Variants in RCCD1 observed in about 807,000 individuals in gnomAD.
RCCD1 encodes RCC1 domain-containing protein 1.
Under a neutral mutation model 37.6 loss-of-function variants are expected in RCCD1, and 40 were observed. The observed-to-expected ratio is 1.06, with a 90% CI of 0.83 to 1.39. The LOEUF is 1.39. Among genes scored for constraint, RCCD1 ranks in the 40% most tolerant of loss-of-function variants. The pLI, the probability that RCCD1 is intolerant of heterozygous loss-of-function variation, is 0.00. For missense variants in RCCD1, 577 were observed against 517.3 expected, an observed-to-expected ratio of 1.12 and a Z score of -1.12; for synonymous variants, 263 against 230.0, an observed-to-expected ratio of 1.14 and a Z score of -1.30.
chr15:90,957,209 C>A lies in RCCD1; in HGVS notation c.263C>A (p.Ala88Asp). The A allele has an allele frequency of 7.1e-7, 1 of 1,409,328 alleles. No homozygotes were observed. The allele number at this position is 1,409,328 out of a possible 1,614,324, so 87.3% of individuals were successfully genotyped here. ...ASEGLLAVLR[A>D]GPGPEALLQV... ...GAGGGGCTCCTCGCGGTGCTGCGCG[C>A]CGGGCCGGGGCCGGAGGCGTTACTG... Residue 88 changes from alanine to aspartate, a missense_variant, in exon 3 of 8, where the codon GCC becomes GAC. Physicochemically the swap from Ala to Asp is moderately radical, Grantham distance 126 (BLOSUM62 -2). Coordinates refer to ENST00000394258, the MANE Select transcript of RCCD1 (RefSeq NM_001017919.2).
At position 90,956,781 on chromosome 15, in the gene RCCD1, G is replaced by A; in HGVS notation, c.47G>A (p.Gly16Asp). The change falls in exon 2 of 8, where the codon GGC becomes GAC. Residue 16 changes from glycine to aspartate, a missense_variant. By Grantham distance (94) the Gly-to-Asp change is moderately conservative. Transcript: ENST00000394258. ...GCCTGGTTCGGCTTCGGTTTCTGCG[G>A]CTTCGGGCAGGAGCTGGGCTCCGGA... ...PGAWFGFGFCGFGQELGSGRG... is the reference protein window; with the variant it reads ...PGAWFGFGFCDFGQELGSGRG... The A allele has an allele frequency of 1.5e-6, 2 of 1,332,684 alleles. No homozygotes were observed. The highest frequency in any genetic ancestry group is 9.6e-7 in the Non-Finnish European group (1 of 1,040,892). The allele number at this position is 1,332,684 out of a possible 1,614,324, so 82.6% of individuals were successfully genotyped here. A position where few individuals can be genotyped will look rare whatever the true frequency, so the allele number is the denominator to read the frequency against.
chr15:90,960,037 A>C (rs753447545), intron 5 of RCCD1, 39 bp downstream of exon 5: 1 of 1,504,252 alleles, frequency 6.6e-7, no homozygotes, highest in South Asian at 1.1e-5. Flanking sequence ...TCTCCCCAGG[A>C]TGTGGCTGTC....
In RCCD1 at chr15:90,957,517, G is replaced by A; in HGVS notation, c.557+14G>A. The A allele has an allele frequency of 6.3e-7, 1 of 1,586,942 alleles. No individual in the cohort carries two copies. ...GGGCGGGGGCAGGTGAGCGGAGGCG[G>A]GGGCAGGTGAGGGCTGCTGATTGGA... is the stretch of plus-strand genomic sequence containing the variant. On this transcript the variant is annotated intron_variant, in intron 3 of 7. Transcript: ENST00000394258.
At chr15:90,958,627 C>CAAAAA (rs5814447) in intron 4 of RCCD1, among the ~76,000 whole-genome samples, 156 of 74,578 alleles carry the variant, frequency 2.1e-3, no homozygotes, top group Non-Finnish European at 3.1e-3. Context: ...GACTCAGTCT[C>CAAAAA]AAAAAAAAAA....
At chr15:90,961,511 TG>T in intron 7 of RCCD1, 106 bp from the exon 8 acceptor site, 1 of 1,287,482 alleles carries the variant, frequency 7.8e-7, no homozygotes, top group Non-Finnish European at 1.1e-6. Context: ...CACAGAGCAG[TG>T]GGGCATAATC....
chr15:90,957,187 G>A lies in RCCD1; in HGVS notation c.241G>A (p.Gly81Arg), dbSNP rs1191001617. 5 of 1,389,588 alleles carry A rather than the reference G, an allele frequency of 3.6e-6. No individual in the cohort carries two copies. The South Asian group carries it at 8.2e-5, about 23-fold the overall frequency. The allele number at this position is 1,389,588 out of a possible 1,614,324, so 86.1% of individuals were successfully genotyped here. ...GRCKDAWASEGLLAVLRAGPG... is the reference protein window; with the variant it reads ...GRCKDAWASERLLAVLRAGPG... Reference sequence around the variant, plus strand: ...CTGCAAGGACGCGTGGGCCTCGGAGGGGCTCCTCGCGGTGCTGCGCGCCGG... The same window carrying A: ...CTGCAAGGACGCGTGGGCCTCGGAGAGGCTCCTCGCGGTGCTGCGCGCCGG... The change falls in exon 3 of 8, where the codon GGG (glycine) becomes AGG (arginine). Residue 81 changes from glycine to arginine, a missense_variant. Coordinates refer to ENST00000394258, the MANE Select transcript of RCCD1 (RefSeq NM_001017919.2).
Position 90,956,705 on chromosome 15 carries a change from G to A in RCCD1, c.-30G>A. 1 of 1,264,008 alleles carries A rather than the reference G, an allele frequency of 7.9e-7. No individual in the cohort carries two copies. The highest frequency in any genetic ancestry group is 1.0e-6 in the Non-Finnish European group (1 of 1,004,914). 78.3% of individuals were successfully genotyped at this position (1,264,008 alleles called of 1,614,324 possible). On this transcript the variant is annotated 5_prime_UTR_variant, in exon 2 of 8. Coordinates refer to ENST00000394258, the MANE Select transcript of RCCD1 (RefSeq NM_001017919.2). ...ATCCCCCCGGGCCCGCCGCAGCCAGGCGGCGGCCGGCAGAGGGCGCTGCTC... is the reference window on the plus strand; with the variant it reads ...ATCCCCCCGGGCCCGCCGCAGCCAGACGGCGGCCGGCAGAGGGCGCTGCTC...
intron 1 of RCCD1, chr15:90,955,260 A>T (rs1011538235): frequency 1.3e-5 from 2 of 152,086 alleles, no homozygotes; most frequent in African/African-American, 4.8e-5. Flanking sequence ...CCGGGCGGCG[A>T]CGTCACCGCC....
chr15:90,955,902 C>G (rs189546381), intron 1 of RCCD1: 2 of 152,170 alleles, frequency 1.3e-5, no homozygotes, highest in Non-Finnish European at 2.9e-5. Context: ...GAAATTCTGT[C>G]TGTATAAGTT....
In RCCD1 at chr15:90,957,702, G is replaced by A. The variant is rs753208494; in HGVS notation, c.656G>A (p.Gly219Asp). The A allele has an allele frequency of 1.2e-6, 2 of 1,612,336 alleles. No homozygotes were observed. Among genetic ancestry groups the A allele is most frequent in the South Asian group, 1.1e-5 (1 of 90,908 alleles). ...GTCATGGCTGAGGTGGCCGCGGGGGGCTGGCATTCTGTGTGTGTGAGTGGT... is the reference window on the plus strand; with the variant it reads ...GTCATGGCTGAGGTGGCCGCGGGGGACTGGCATTCTGTGTGTGTGAGTGGT... ...GLVMAEVAAG[G>D]WHSVCVSETG... The change falls in exon 4 of 8, where the codon GGC (glycine) becomes GAC (aspartate). Residue 219 changes from glycine to aspartate, a missense_variant. Gly to Asp is a moderately conservative substitution (Grantham distance 94). Transcript: ENST00000394258.
At chr15:90,957,849 A>ATAACTGACTGG in intron 4 of RCCD1, 124 bp downstream of exon 4, 1 of 1,296,842 alleles carries the variant, frequency 7.7e-7, no homozygotes, top group Non-Finnish European at 1.1e-6. Context: ...TCGCCCAGTC[A>ATAACTGACTGG]GTTATGACTC....
chr15:90,959,625 TC>T (rs1207711420), intron 4 of RCCD1: 1 of 258,624 alleles, frequency 3.9e-6, no homozygotes, highest in African/African-American at 2.2e-5. Context: ...CTGCGGTACT[TC>T]TAGGGATACA....
intron 4 of RCCD1, among the ~76,000 whole-genome samples, chr15:90,958,131 C>T (rs2037240416): frequency 6.6e-6 from 1 of 152,218 alleles, no homozygotes; most frequent in East Asian, 1.9e-4. Context: ...GCCCACCAGG[C>T]ACCAGGATGG....
chr15:90,961,061 A>G lies in RCCD1; in HGVS notation c.979+7A>G, dbSNP rs1278869308. 1.2e-6 allele frequency: 2 copies of G among 1,613,540 alleles called. No individual in the cohort carries two copies. The highest frequency in any genetic ancestry group is 8.5e-7 in the Non-Finnish European group (1 of 1,179,800). ...CTCTACACCTGGGGCTGGGGTAAGT[A>G]AAAGGATTGTTTTTGTGACCCTGAA... On this transcript the variant is annotated splice_region_variant and intron_variant, in intron 7 of 7. Coordinates refer to ENST00000394258, the MANE Select transcript of RCCD1 (RefSeq NM_001017919.2).
Position 90,959,987 on chromosome 15 carries a change from T to G in RCCD1, c.767T>G (p.Val256Gly). ...TRNLAEDGET[V>G]AREATELNED... ...AACCTGGCAGAGGATGGAGAGACTG[T>G]CGCAAGGGAAGGTGAGGGTCATCTC... Residue 256 changes from valine (V) to glycine (G), a missense_variant, in exon 5 of 8, where the codon GTC (valine) becomes GGC (glycine). Val to Gly is a moderately radical substitution (Grantham distance 109). Transcript: ENST00000394258. 1 of 1,612,712 alleles carries G rather than the reference T, an allele frequency of 6.2e-7. No individual in the cohort carries two copies. Among genetic ancestry groups the G allele is most frequent in the Non-Finnish European group, 8.5e-7 (1 of 1,179,438 alleles).
rs773263542 is a variant in RCCD1 at position 90,961,754 on chromosome 15, G to C, written c.1116G>C (p.Glu372Asp). 3.7e-6 allele frequency: 6 copies of C among 1,613,724 alleles called. No homozygotes were observed. The African/African-American group carries it at 8.0e-5, about 22-fold the overall frequency. Residue 372 changes from glutamate (E) to aspartate (D), a missense_variant, in exon 8 of 8, where the codon GAG becomes GAC. Coordinates refer to ENST00000394258, the MANE Select transcript of RCCD1 (RefSeq NM_001017919.2). ...GPWNTYVYAV[E>D]KGKS ...GGAACACCTACGTGTATGCTGTGGA[G>C]AAAGGGAAGAGCTGACATGTGTACG...
chr15:90,961,842 C>T lies in RCCD1; in HGVS notation c.*73C>T. ...GTCAAGGAAAACCATTGCCTGCACCCCAAGGGCCCCATATTTGCCCCTCCC... is the reference window on the plus strand; with the variant it reads ...GTCAAGGAAAACCATTGCCTGCACCTCAAGGGCCCCATATTTGCCCCTCCC... On this transcript the variant is annotated 3_prime_UTR_variant, in exon 8 of 8. Transcript: ENST00000394258. 6.7e-7 allele frequency: 1 copy of T among 1,481,844 alleles called. No individual in the cohort carries two copies. Among genetic ancestry groups the T allele is most frequent in the South Asian group, 1.3e-5 (1 of 78,600 alleles). The allele number at this position is 1,481,844 out of a possible 1,614,324, so 91.8% of individuals were successfully genotyped here. A position where few individuals can be genotyped will look rare whatever the true frequency, so the allele number is the denominator to read the frequency against.
At position 90,961,661 on chromosome 15, in the gene RCCD1, T is replaced by A. The variant is rs1304048457; in HGVS notation, c.1023T>A (p.Asp341Glu). 6.2e-7 allele frequency: 1 copy of A among 1,614,098 alleles called. No individual in the cohort carries two copies. The highest frequency in any genetic ancestry group is 1.3e-5 in the African/African-American group (1 of 75,028). The change falls in exon 8 of 8, where the codon GAT (aspartate) becomes GAA (glutamate). Residue 341 changes from aspartate (D) to glutamate (E), a missense_variant. Physicochemically the swap from Asp to Glu is conservative, Grantham distance 45. Coordinates refer to ENST00000394258, the MANE Select transcript of RCCD1 (RefSeq NM_001017919.2). ...GCCACGAGGACACCACCAGCTTGGATCGGCCTCGCCGTGTGGAATACTTTG... is the reference window on the plus strand; with the variant it reads ...GCCACGAGGACACCACCAGCTTGGAACGGCCTCGCCGTGTGGAATACTTTG... ...QLGHEDTTSL[D>E]RPRRVEYFVD...
chr15:90,960,168 C>T, intron 5 of RCCD1, 160 bp from the exon 6 acceptor site: 1 of 917,024 alleles, frequency 1.1e-6, no homozygotes, highest in Non-Finnish European at 1.6e-6. Context: ...CACACTTGTG[C>T]AGCAGTGCCA....
Sources: gnomAD v4.1 joint callset for allele counts (sites outside exome capture counted in the v4.1 genomes callset) on GRCh38, gnomAD v4.1.1 for gene constraint, MANE v1.5 for transcripts, NCBI Gene and HGNC (gene_info 2026-07-23, HGNC 2026-07-21) for gene names.